The following MAGI2 variants were observed in gnomAD, a reference collection of about 807,000 sequenced individuals.
MAGI2 encodes membrane-associated guanylate kinase, WW and PDZ domain-containing protein 2.
MAGI2 carries 35 observed loss-of-function variants against 133.3 expected under a neutral mutation model. The ratio of observed to expected loss-of-function variants is 0.26; its 90% CI spans 0.20 to 0.35. The LOEUF is 0.35. MAGI2 is among the 10% of genes least tolerant of loss of function. The probability of loss-of-function intolerance (pLI) is 1.00; values close to 1 mark genes in which losing one functional copy is unlikely to be tolerated. For missense variants in MAGI2, 1,636 were observed against 1,863.4 expected (o/e 0.88, Z 2.25); for synonymous variants, 729 against 710.6 (o/e 1.03, Z -0.41).
intron 2 of MAGI2, among the ~76,000 whole-genome samples, chr7:78,861,462 T>A (rs1175383830): frequency 6.6e-6 from 1 of 152,234 alleles, no homozygotes; most frequent in Admixed American, 6.5e-5. Flanking sequence ...TCATTATTTA[T>A]GTCACTTTCA....
chr7:79,036,196 G>C (rs1341586409), intron 1 of MAGI2, among the ~76,000 whole-genome samples: 2 of 152,170 alleles, frequency 1.3e-5, no homozygotes, highest in Non-Finnish European at 2.9e-5. Context: ...AACTTTCACG[G>C]ATAGCATCTC....
At chr7:78,735,122 A>G (rs1263397940) in intron 2 of MAGI2, among the ~76,000 whole-genome samples, 2 of 152,204 alleles carry the variant, frequency 1.3e-5, no homozygotes, top group Non-Finnish European at 2.9e-5. Context: ...AATTATTGAC[A>G]AATTCTTATC....
chr7:78,349,820 G>A (rs1409437606), intron 7 of MAGI2, among the ~76,000 whole-genome samples: 1 of 152,134 alleles, frequency 6.6e-6, no homozygotes, highest in Non-Finnish European at 1.5e-5. Flanking sequence ...TCTTCCTTAT[G>A]CTTCCAAAAT....
intron 2 of MAGI2, among the ~76,000 whole-genome samples, chr7:78,822,010 G>A (rs527770136): frequency 6.6e-6 from 1 of 151,982 alleles, no homozygotes; most frequent in Admixed American, 6.5e-5. Flanking sequence ...TGTATCCACA[G>A]ATATTCAATT....
intron 2 of MAGI2, among the ~76,000 whole-genome samples, chr7:78,711,549 T>C (rs1819190003): frequency 6.6e-6 from 1 of 152,116 alleles, no homozygotes; most frequent in African/African-American, 2.4e-5. Flanking sequence ...TATTTTCTGA[T>C]TATGACCATT....
intron 9 of MAGI2, among the ~76,000 whole-genome samples, chr7:78,281,483 C>T (rs188426704): frequency 6.6e-6 from 1 of 152,230 alleles, no homozygotes; most frequent in Admixed American, 6.5e-5. Flanking sequence ...TAAGTAAGTG[C>T]CTTGCTTCCT....
At chr7:79,348,351 G>A (rs1177025051) in intron 1 of MAGI2, among the ~76,000 whole-genome samples, 1 of 151,804 alleles carries the variant, frequency 6.6e-6, no homozygotes, top group Non-Finnish European at 1.5e-5. Context: ...ATCAGAGTAT[G>A]GTAGTAAGGG....
At chr7:78,049,939 T>C (rs1489632975) in intron 21 of MAGI2, among the ~76,000 whole-genome samples, 1 of 152,202 alleles carries the variant, frequency 6.6e-6, no homozygotes, top group Non-Finnish European at 1.5e-5. Flanking sequence ...CACACATTTG[T>C]ACTCGTGGCA....
chr7:78,053,410 TTC>T (rs1476622842), intron 21 of MAGI2, among the ~76,000 whole-genome samples: 2 of 152,204 alleles, frequency 1.3e-5, no homozygotes, highest in Admixed American at 1.3e-4. Flanking sequence ...GGAGGGGCCG[TTC>T]TCTGTCCCTC....
At chr7:79,426,093 A>T (rs1272061903) in intron 1 of MAGI2, among the ~76,000 whole-genome samples, 3 of 152,206 alleles carry the variant, frequency 2.0e-5, no homozygotes, top group Non-Finnish European at 4.4e-5. Flanking sequence ...TGGACTCATA[A>T]GAAACAATGT....
At chr7:78,862,061 A>G (rs1256408737) in intron 2 of MAGI2, among the ~76,000 whole-genome samples, 1 of 152,228 alleles carries the variant, frequency 6.6e-6, no homozygotes, top group East Asian at 1.9e-4. Context: ...ACTCTGATTT[A>G]TCCTGTGCCA....
intron 2 of MAGI2, among the ~76,000 whole-genome samples, chr7:78,988,549 CA>C (rs1805474742): frequency 6.6e-6 from 1 of 152,052 alleles, no homozygotes; most frequent in South Asian, 2.1e-4. Context: ...CAATTAAACC[CA>C]TTAATTAAAG....
At chr7:79,367,636 A>C (rs1377301793) in intron 1 of MAGI2, among the ~76,000 whole-genome samples, 1 of 151,916 alleles carries the variant, frequency 6.6e-6, no homozygotes, top group Non-Finnish European at 1.5e-5. Flanking sequence ...AATATATGAG[A>C]TAATCTGTAT....
At chr7:79,151,909 T>C (rs1823286994) in intron 1 of MAGI2, among the ~76,000 whole-genome samples, 1 of 151,986 alleles carries the variant, frequency 6.6e-6, no homozygotes, top group South Asian at 2.1e-4. Flanking sequence ...CCAGAAATTA[T>C]GGTGTGACAG....
At chr7:78,049,686 A>T (rs1262893476) in intron 21 of MAGI2, among the ~76,000 whole-genome samples, 1 of 152,164 alleles carries the variant, frequency 6.6e-6, no homozygotes, top group Non-Finnish European at 1.5e-5. Context: ...GATCTATGTG[A>T]ACTTGATAAA....
chr7:78,399,652 A>C (rs1454783162), intron 6 of MAGI2, among the ~76,000 whole-genome samples: 1 of 152,058 alleles, frequency 6.6e-6, no homozygotes, highest in African/African-American at 2.4e-5. Context: ...TAAAAATACA[A>C]AAATTAGCTA....
At chr7:78,876,603 GA>G (rs1766330714) in intron 2 of MAGI2, among the ~76,000 whole-genome samples, 1 of 152,066 alleles carries the variant, frequency 6.6e-6, no homozygotes, top group African/African-American at 2.4e-5. Context: ...GAATGGAAGG[GA>G]TATGAATGTT....
chr7:79,057,759 A>T (rs902508316), intron 1 of MAGI2, among the ~76,000 whole-genome samples: 2 of 152,226 alleles, frequency 1.3e-5, no homozygotes, highest in African/African-American at 4.8e-5. Context: ...TGTGTAATTC[A>T]TGTTAATGAG....
In MAGI2 at chr7:79,323,370, C is replaced by A. The variant is rs573418105; in HGVS notation, c.301+129650G>T. ...AGAATATCTAGGGGAAATAATTAAC[C>A]CAAATTTGAGACTTCAGGAGCAATG... is the stretch of plus-strand genomic sequence containing the variant. On this transcript the variant is annotated intron_variant, in intron 1 of 21. Transcript: ENST00000354212. Among the ~76,000 whole-genome samples, 4 of 152,106 alleles carry A rather than the reference C, an allele frequency of 2.6e-5. No individual in the cohort carries two copies. In the South Asian group the frequency reaches 8.3e-4, roughly 32 times the overall value.
Sources: gnomAD v4.1 joint callset for allele counts (sites outside exome capture counted in the v4.1 genomes callset) on GRCh38, gnomAD v4.1.1 for gene constraint, MANE v1.5 for transcripts, NCBI Gene and HGNC (gene_info 2026-07-23, HGNC 2026-07-21) for gene names.